CAPN10: variants seen among roughly 807,000 people sequenced by gnomAD.
The protein encoded by CAPN10 is calpain 10, also known as calpain-10.
A neutral mutation model predicts 78.4 loss-of-function variants in CAPN10; 71 were observed. The ratio of observed to expected loss-of-function variants is 0.91; its 90% CI spans 0.75 to 1.10. CAPN10 has a LOEUF of 1.10. Among genes scored for constraint, CAPN10 ranks in the 50% least tolerant of loss-of-function variants. CAPN10 has a pLI of 0.00. For synonymous variants in CAPN10, 437 were observed against 407.2 expected (o/e 1.07, Z -0.88); for missense variants, 849 against 924.6 (o/e 0.92, Z 1.06).
chr2:240,592,111 C>T lies in CAPN10; in HGVS notation c.649C>T (p.Gln217Ter), dbSNP rs964075273. The T allele has an allele frequency of 6.3e-6, 10 of 1,586,000 alleles. No homozygotes were observed. The highest frequency in any genetic ancestry group is 7.7e-6 in the Non-Finnish European group (9 of 1,167,626). The change falls in exon 4 of 12, where the codon CAG becomes TAG. Residue 217 changes from glutamine (Q) to a stop codon, truncating the protein, a stop_gained. Coordinates refer to ENST00000391984, the MANE Select transcript of CAPN10 (RefSeq NM_023083.4). LOFTEE classifies it high-confidence loss of function. Reference sequence around the variant, plus strand: ...TCGGCAGCTGCTCCACCTGAAGGACCAGTGTCTGATCAGCTGCTGCGTGCT... The same window carrying T: ...TCGGCAGCTGCTCCACCTGAAGGACTAGTGTCTGATCAGCTGCTGCGTGCT... ...TCRQLLHLKD[Q>*]CLISCCVLSP... is the part of the protein sequence containing the mutation.
At chr2:240,590,778 A>G (rs866536863) in intron 2 of CAPN10, 37 bp from the exon 3 acceptor site, 3 of 1,602,816 alleles carry the variant, frequency 1.9e-6, no homozygotes. Flanking sequence ...TGGTGCTTAT[A>G]TCACGCTCGC....
chr2:240,595,369 G>A (rs2093130327), intron 7 of CAPN10, 65 bp downstream of exon 7: 3 of 1,547,908 alleles, frequency 1.9e-6, no homozygotes, highest in Non-Finnish European at 2.6e-6. Flanking sequence ...TGGAGGTCTG[G>A]GTTCTAGGAC....
At chr2:240,596,264 A>C (rs2093135777) in intron 7 of CAPN10, 55 bp from the exon 8 acceptor site, 3 of 1,543,252 alleles carry the variant, frequency 1.9e-6, no homozygotes, top group Non-Finnish European at 2.6e-6. Flanking sequence ...GGTCAAGGCC[A>C]GGGCGTCTGA....
rs960691935 is a variant in CAPN10 at position 240,598,773 on chromosome 2, C to T, written c.*93C>T. On this transcript the variant is annotated 3_prime_UTR_variant, in exon 12 of 12. Transcript: ENST00000391984. ...GCCGGCCAGCCTTGCACTGTGGGGG[C>T]TGGTCCTGAGTCTTGGCCTGCCTCC... The T allele has an allele frequency of 6.4e-6, 8 of 1,255,838 alleles. No homozygotes were observed. In the African/African-American group the frequency reaches 1.2e-4, roughly 19 times the overall value. The allele number at this position is 1,255,838 out of a possible 1,614,324, so 77.8% of individuals were successfully genotyped here.
rs143146215 is a variant in CAPN10 at position 240,598,426 on chromosome 2, C to T, written c.1989+29C>T. On this transcript the variant is annotated intron_variant, in intron 11 of 11. Transcript: ENST00000391984. The stretch of plus-strand genomic sequence containing the variant: ...TGTATGCAGCCCCGCCAGCCCGGCT[C>T]ACCTGCCTGGGGCTGCCTGGTGGCC... The T allele has an allele frequency of 1.5e-4, 239 of 1,612,902 alleles. No homozygotes were observed. In the East Asian group the frequency reaches 2.2e-3, roughly 15 times the overall value.
At position 240,598,062 on chromosome 2, in the gene CAPN10, G is replaced by C. The variant is rs760113108; in HGVS notation, c.1918G>C (p.Val640Leu). 6.2e-7 allele frequency: 1 copy of C among 1,610,964 alleles called. No homozygotes were observed. Among genetic ancestry groups the C allele is most frequent in the Non-Finnish European group, 8.5e-7 (1 of 1,178,124 alleles). ...YLPDTEGAFTVTIATRIDRPS... is the reference protein window; with the variant it reads ...YLPDTEGAFTLTIATRIDRPS... ...GCCGGACACAGAGGGGGCCTTCACA[G>C]TGACCATCGCAACCAGGATTGACAG... Residue 640 changes from valine to leucine, a missense_variant, in exon 10 of 12, where the codon GTG (valine) becomes CTG (leucine). Physicochemically the swap from Val to Leu is conservative, Grantham distance 32. Transcript: ENST00000391984.
intron 6 of CAPN10, 102 bp downstream of exon 6, chr2:240,594,811 C>A: frequency 1.3e-6 from 1 of 791,936 alleles, no homozygotes; most frequent in Non-Finnish European, 1.7e-6. Flanking sequence ...GTTTGGTTCT[C>A]TTCAGCGTGG....
At chr2:240,589,534 C>T in intron 2 of CAPN10, 60 bp downstream of exon 2, 2 of 1,549,038 alleles carry the variant, frequency 1.3e-6, no homozygotes, top group Non-Finnish European at 1.7e-6. Flanking sequence ...TTTCTCCAGC[C>T]TGCTGAGTAC....
chr2:240,598,691 C>A lies in CAPN10; in HGVS notation c.*11C>A. The A allele has an allele frequency of 6.4e-7, 1 of 1,571,626 alleles. No homozygotes were observed. The highest frequency in any genetic ancestry group is 2.3e-5 in the East Asian group (1 of 43,398). On this transcript the variant is annotated 3_prime_UTR_variant, in exon 12 of 12. Coordinates refer to ENST00000391984, the MANE Select transcript of CAPN10 (RefSeq NM_023083.4). ...GTGATGAAAACCTAACAGGGTGGCC[C>A]CCTGTGCCAGCTCAGGTGACTGGAG...
rs202074382 is a variant in CAPN10 at position 240,596,534 on chromosome 2, G to A, written c.1481+13G>A. On this transcript the variant is annotated intron_variant, in intron 8 of 11. Coordinates refer to ENST00000391984, the MANE Select transcript of CAPN10 (RefSeq NM_023083.4). ...GAGTCTCCCTTAGGTGAGAGGAACC[G>A]CGCAGTGCTGCTGGCTCTCCGAGGC... is the stretch of plus-strand genomic sequence containing the variant. The A allele has an allele frequency of 7.4e-5, 117 of 1,588,984 alleles. No homozygotes were observed. Among genetic ancestry groups the A allele is most frequent in the South Asian group, 2.1e-4 (19 of 88,678 alleles).
chr2:240,597,614 G>A (rs1474354657), intron 9 of CAPN10, among the ~76,000 whole-genome samples: 2 of 152,192 alleles, frequency 1.3e-5, no homozygotes, highest in Non-Finnish European at 2.9e-5. Context: ...GCCAGGGCCA[G>A]TGGGAGCCCT....
At chr2:240,598,245 G>C in intron 10 of CAPN10, 107 bp from the exon 11 acceptor site, 2 of 1,462,128 alleles carry the variant, frequency 1.4e-6, no homozygotes, top group Non-Finnish European at 1.9e-6. Flanking sequence ...ACCCTTCCTT[G>C]CTGGTCTGAG....
intron 1 of CAPN10, among the ~76,000 whole-genome samples, chr2:240,588,520 A>C (rs970490884): frequency 4.6e-5 from 7 of 152,260 alleles, no homozygotes; most frequent in Non-Finnish European, 8.8e-5. Context: ...CAGGGGCAGC[A>C]GATGGCTGTT....
chr2:240,588,413 C>G (rs2093081583), intron 1 of CAPN10, among the ~76,000 whole-genome samples: 1 of 152,112 alleles, frequency 6.6e-6, no homozygotes, highest in Non-Finnish European at 1.5e-5. Flanking sequence ...TGGGGTCAGG[C>G]AGGTGCCCTG....
intron 4 of CAPN10, 152 bp downstream of exon 4, chr2:240,592,302 A>G (rs531909446): frequency 2.7e-6 from 2 of 737,564 alleles, no homozygotes; most frequent in Non-Finnish European, 4.7e-6. Flanking sequence ...TGGTGTCCTC[A>G]GTTTGTGACC....
At chr2:240,593,449 C>G (rs111666715) in intron 4 of CAPN10, among the ~76,000 whole-genome samples, 120 of 152,366 alleles carry the variant, frequency 7.9e-4, no homozygotes, top group African/African-American at 2.7e-3. Flanking sequence ...CTGTTGCCCC[C>G]CTGGGCCTCC....
In CAPN10 at chr2:240,594,038, GGA is replaced by G; in HGVS notation, c.827_828del (p.Glu276GlyfsTer3). On this transcript the variant is annotated frameshift_variant, in exon 5 of 12. Transcript: ENST00000391984. LOFTEE classifies it high-confidence loss of function. ...GGCCGGCGGTGCTGGCAGGGGCTCT[GGA>G]GAGAGGGGTGAGTGCTGGGGCCTGG... is the stretch of plus-strand genomic sequence containing the variant. 1 of 1,600,994 alleles carries G rather than the reference GGA, an allele frequency of 6.2e-7. No individual in the cohort carries two copies. Among genetic ancestry groups the G allele is most frequent in the East Asian group, 2.2e-5 (1 of 44,580 alleles).
chr2:240,594,885 G>T, intron 6 of CAPN10, 139 bp from the exon 7 acceptor site: 1 of 1,112,438 alleles, frequency 9.0e-7, no homozygotes, highest in South Asian at 1.5e-5. Context: ...GCTGGGAGGA[G>T]GGTGGGCTTG....
intron 7 of CAPN10, 41 bp from the exon 8 acceptor site, chr2:240,596,278 C>G: frequency 1.3e-6 from 2 of 1,561,518 alleles, no homozygotes; most frequent in South Asian, 1.2e-5. Context: ...CGTCTGACCC[C>G]GGCCGCTCCT....
Sources: gnomAD v4.1 joint callset for allele counts (sites outside exome capture counted in the v4.1 genomes callset) on GRCh38, gnomAD v4.1.1 for gene constraint, MANE v1.5 for transcripts, NCBI Gene and HGNC (gene_info 2026-07-23, HGNC 2026-07-21) for gene names.